The following PITPNM2 variants were observed in gnomAD, a reference collection of about 807,000 sequenced individuals.
The protein encoded by PITPNM2 is phosphatidylinositol transfer protein membrane associated 2, also known as membrane-associated phosphatidylinositol transfer protein 2.
In PITPNM2, 35 loss-of-function variants were observed where a neutral mutation model predicts 132.2. That is an observed-to-expected ratio of 0.26 (90% CI 0.20 to 0.35). PITPNM2 has a LOEUF of 0.35. Ranked by LOEUF, PITPNM2 falls within the 10% of genes least tolerant of loss-of-function variation. The probability of loss-of-function intolerance (pLI) is 1.00; values close to 1 mark genes in which losing one functional copy is unlikely to be tolerated. For synonymous variants in PITPNM2, 738 were observed against 799.2 expected, an observed-to-expected ratio of 0.92 and a Z score of 1.29; for missense variants, 1,332 against 1,912.0, an observed-to-expected ratio of 0.70 and a Z score of 5.66.
In PITPNM2 at chr12:123,095,756, G is replaced by A. The variant is rs889991907; in HGVS notation, c.-96+14629C>T. Among the ~76,000 whole-genome samples the A allele has an allele frequency of 5.3e-5, 8 of 152,176 alleles. No homozygotes were observed. Among genetic ancestry groups the A allele is most frequent in the Non-Finnish European group, 7.3e-5 (5 of 68,036 alleles). On this transcript the variant is annotated intron_variant, in intron 2 of 25. Transcript: ENST00000320201. The surrounding 1 kb of genome is among the most constrained non-coding windows in gnomAD (Gnocchi z 5.0). ...CCTGCCTCGGGGCCATTGTGAAGGC[G>A]GTTCCCTCTACCAGGAAGACTCTCC...
At chr12:123,137,892 C>CA (rs72436741) in intron 1 of PITPNM2, among the ~76,000 whole-genome samples, 77,222 of 126,812 alleles carry the variant, frequency 0.61, 26,280 homozygotes, top group East Asian at 0.92. Context: ...GATTCTGTCT[C>CA]AAAAAAAAAA....
At chr12:123,060,212 G>A (rs1456104977) in intron 2 of PITPNM2, among the ~76,000 whole-genome samples, 1 of 152,074 alleles carries the variant, frequency 6.6e-6, no homozygotes, top group Admixed American at 6.6e-5. Context: ...AACTTGACTG[G>A]GTCACCTCCT....
At position 123,064,372 on chromosome 12, in the gene PITPNM2, C is replaced by T. The variant is rs1304274398; in HGVS notation, c.-95-29687G>A. 6.6e-6 allele frequency among the ~76,000 whole-genome samples: 1 copy of T among 152,226 alleles called. No individual in the cohort carries two copies. Among genetic ancestry groups the T allele is most frequent in the Non-Finnish European group, 1.5e-5 (1 of 68,034 alleles). ...CCGATCCCAACCAGCACCCCAAGGC[C>T]TGCAGCCCACAGGAGGCTCTCAGCC... is the stretch of plus-strand genomic sequence containing the variant. On this transcript the variant is annotated intron_variant, in intron 2 of 25. Transcript: ENST00000320201. The surrounding 1 kb of genome is among the most constrained non-coding windows in gnomAD (Gnocchi z 4.0).
At chr12:122,991,605 C>T in intron 16 of PITPNM2, 1 of 881,158 alleles carries the variant, frequency 1.1e-6, no homozygotes, top group Non-Finnish European at 1.5e-6. Flanking sequence ...GACATCAGCT[C>T]CCCAGAGCCG....
At chr12:123,134,256 G>C (rs2043327908) in intron 1 of PITPNM2, among the ~76,000 whole-genome samples, 1 of 151,810 alleles carries the variant, frequency 6.6e-6, no homozygotes, top group Admixed American at 6.6e-5. Context: ...GTAGAGACAG[G>C]GTTTTACCAT....
chr12:122,997,895 T>C (rs1168771821), intron 10 of PITPNM2, among the ~76,000 whole-genome samples: 1 of 152,188 alleles, frequency 6.6e-6, no homozygotes, highest in Non-Finnish European at 1.5e-5. Flanking sequence ...TTTGAGAGCA[T>C]GAGCTCTGCT....
At position 123,014,011 on chromosome 12, in the gene PITPNM2, C is replaced by T. The variant is rs2039316281; in HGVS notation, c.110G>A (p.Gly37Asp). 6.2e-7 allele frequency: 1 copy of T among 1,614,242 alleles called. No homozygotes were observed. Among genetic ancestry groups the T allele is most frequent in the Non-Finnish European group, 8.5e-7 (1 of 1,180,044 alleles). The part of the protein sequence containing the change: ...KKSRNETYGE[G>D]SGVEILENRP... ...GTTCTCCAGGATCTCCACGCCGCTG[C>T]CTTCGCCATATGTCTCGTTACGGCT... is the stretch of plus-strand genomic sequence containing the variant. The change falls in exon 4 of 26, where the codon GGC (glycine) becomes GAC (aspartate). Residue 37 changes from glycine to aspartate, a missense_variant. Physicochemically the swap from Gly to Asp is moderately conservative, Grantham distance 94. Around this residue, in one of 6 missense-constraint regions of PITPNM2, gnomAD observed 83 missense variants for 118.7 expected, o/e 0.70. Coordinates refer to ENST00000320201, the MANE Select transcript of PITPNM2 (RefSeq NM_020845.3).
rs545317133 is a variant in PITPNM2, at chr12:123,047,431, C to T, written c.-95-12746G>A. Reference sequence around the variant, plus strand: ...GCGTCTTGGTTCCAGCCCAAATCAGCTGCATTGCCAAGGGAAAGACCTGGG... The same window carrying T: ...GCGTCTTGGTTCCAGCCCAAATCAGTTGCATTGCCAAGGGAAAGACCTGGG... On this transcript the variant is annotated intron_variant, in intron 2 of 25. Coordinates refer to ENST00000320201, the MANE Select transcript of PITPNM2 (RefSeq NM_020845.3). Among the ~76,000 whole-genome samples, 4 of 152,308 alleles carry T rather than the reference C, an allele frequency of 2.6e-5. No homozygotes were observed. The South Asian group carries it at 8.3e-4, about 32-fold the overall frequency.
intron 1 of PITPNM2, among the ~76,000 whole-genome samples, chr12:123,138,753 G>T (rs190186175): frequency 1.3e-5 from 2 of 152,198 alleles, no homozygotes; most frequent in Admixed American, 1.3e-4. Context: ...TCTGGAATTC[G>T]ATAGAGCCAG....
At chr12:123,020,873 A>T (rs2039640188) in intron 3 of PITPNM2, among the ~76,000 whole-genome samples, 1 of 150,300 alleles carries the variant, frequency 6.7e-6, no homozygotes, top group Non-Finnish European at 1.5e-5. Flanking sequence ...AAACAATAAT[A>T]AAAAAAAATA....
At chr12:123,038,609 T>C (rs1030201829) in intron 2 of PITPNM2, among the ~76,000 whole-genome samples, 13 of 152,234 alleles carry the variant, frequency 8.5e-5, no homozygotes, top group Non-Finnish European at 1.5e-4. Context: ...TCGGCAGAGC[T>C]GAGGGCGGGT....
intron 2 of PITPNM2, among the ~76,000 whole-genome samples, chr12:123,049,293 G>A (rs1046139097): frequency 1.3e-5 from 2 of 152,072 alleles, no homozygotes; most frequent in African/African-American, 2.4e-5. Context: ...TGCCTAGGAC[G>A]CCCTTCACCC....
chr12:123,097,795 C>T lies in PITPNM2; in HGVS notation c.-96+12590G>A, dbSNP rs1288256511. On this transcript the variant is annotated intron_variant, in intron 2 of 25. Coordinates refer to ENST00000320201, the MANE Select transcript of PITPNM2 (RefSeq NM_020845.3). The surrounding 1 kb of genome is among the most constrained non-coding windows in gnomAD (Gnocchi z 4.7). ...TTCACGTGAAGATGACGGGCAGGTC[C>T]CCAGCTCCTGGGCTGACCTCGCCCC... Among the ~76,000 whole-genome samples the T allele has an allele frequency of 6.6e-6, 1 of 152,204 alleles. No homozygotes were observed. Among genetic ancestry groups the T allele is most frequent in the Non-Finnish European group, 1.5e-5 (1 of 68,040 alleles).
chr12:123,061,128 C>T (rs2041222264), intron 2 of PITPNM2, among the ~76,000 whole-genome samples: 1 of 152,218 alleles, frequency 6.6e-6, no homozygotes, highest in Admixed American at 6.5e-5. Flanking sequence ...AGGGGTGGGA[C>T]TAGAGCCCAG....
Position 123,128,528 on chromosome 12 carries a change from C to A in PITPNM2, c.-199-18040G>T, listed in dbSNP as rs1199594206. On this transcript the variant is annotated intron_variant, in intron 1 of 25. Coordinates refer to ENST00000320201, the MANE Select transcript of PITPNM2 (RefSeq NM_020845.3). ...CAGCACTTTGGGAGGCTGAGGGGGG[C>A]AAATCACAAGGTCAGAAGATCGAGA... is the stretch of plus-strand genomic sequence containing the variant. Among the ~76,000 whole-genome samples, 5 of 147,564 alleles carry A rather than the reference C, an allele frequency of 3.4e-5. 1 individual carries two copies. In the East Asian group the frequency reaches 1.0e-3, roughly 30 times the overall value.
intron 1 of PITPNM2, among the ~76,000 whole-genome samples, chr12:123,140,844 G>A (rs751326368): frequency 6.6e-6 from 1 of 151,926 alleles, no homozygotes; most frequent in East Asian, 1.9e-4. Flanking sequence ...CCCAGAGCAT[G>A]TAATCCTGTC....
chr12:123,032,818 G>C (rs962721204), intron 3 of PITPNM2, among the ~76,000 whole-genome samples: 3 of 152,232 alleles, frequency 2.0e-5, no homozygotes, highest in African/African-American at 4.8e-5. Flanking sequence ...ATAATTATCG[G>C]GTAAGTGGTT....
chr12:123,124,051 C>T (rs1336908046), intron 1 of PITPNM2, among the ~76,000 whole-genome samples: 3 of 151,912 alleles, frequency 2.0e-5, no homozygotes, highest in Non-Finnish European at 4.4e-5. Context: ...GTTAGGAGAT[C>T]GAGACCACCC....
At chr12:122,990,314 G>A (rs1323155949) in intron 17 of PITPNM2, among the ~76,000 whole-genome samples, 1 of 152,246 alleles carries the variant, frequency 6.6e-6, no homozygotes, top group African/African-American at 2.4e-5. Context: ...AGAAGGCGAA[G>A]CTTCTCAGCC....
Sources: allele counts gnomAD v4.1 joint callset (sites outside exome capture counted in the v4.1 genomes callset), GRCh38; gene constraint gnomAD v4.1.1; regional missense constraint gnomAD v4.1.1; non-coding constraint Gnocchi (gnomAD v3.1); transcripts MANE v1.5; gene names NCBI Gene and HGNC (gene_info 2026-07-23, HGNC 2026-07-21).